The following SYT9 variants were observed in gnomAD, a reference collection of about 807,000 sequenced individuals.
SYT9 encodes synaptotagmin-9.
Under a neutral mutation model 48.4 loss-of-function variants are expected in SYT9, and 22 were observed. The ratio of observed to expected loss-of-function variants is 0.45; its 90% CI spans 0.32 to 0.65. SYT9 has a LOEUF of 0.65. Among genes scored for constraint, SYT9 ranks in the 30% least tolerant of loss-of-function variants. The pLI is 0.03. For missense variants in SYT9, 577 were observed against 622.0 expected (o/e 0.93, Z 0.77); for synonymous variants, 265 against 245.0 (o/e 1.08, Z -0.76).
intron 2 of SYT9, among the ~76,000 whole-genome samples, chr11:7,309,156 T>A (rs1849085017): frequency 6.6e-6 from 1 of 152,214 alleles, no homozygotes; most frequent in Non-Finnish European, 1.5e-5. Context: ...AATCTTTATT[T>A]TCTCTTTGTT....
At chr11:7,354,371 G>C (rs886976403) in intron 3 of SYT9, among the ~76,000 whole-genome samples, 2 of 152,176 alleles carry the variant, frequency 1.3e-5, no homozygotes, top group African/African-American at 4.8e-5. Context: ...AGACAATTCT[G>C]AGTGGGCTTA....
chr11:7,437,032 G>A (rs1847724756), intron 6 of SYT9, among the ~76,000 whole-genome samples: 1 of 152,230 alleles, frequency 6.6e-6, no homozygotes, highest in South Asian at 2.1e-4. Flanking sequence ...AGCAGTGAAA[G>A]ACGCTGGACA....
intron 1 of SYT9, among the ~76,000 whole-genome samples, chr11:7,240,136 G>C (rs1441026051): frequency 6.6e-6 from 1 of 152,114 alleles, no homozygotes; most frequent in Non-Finnish European, 1.5e-5. Context: ...CAAAGAAAGA[G>C]AGTAGTCCGT....
chr11:7,350,457 A>G (rs1466365372), intron 3 of SYT9, among the ~76,000 whole-genome samples: 1 of 152,204 alleles, frequency 6.6e-6, no homozygotes, highest in African/African-American at 2.4e-5. Context: ...AGTTTGAAGA[A>G]TGGCCAAAGT....
intron 3 of SYT9, among the ~76,000 whole-genome samples, chr11:7,384,808 T>C (rs145457860): frequency 6.6e-6 from 1 of 152,256 alleles, no homozygotes; most frequent in East Asian, 1.9e-4. Context: ...TCTGACCTCA[T>C]CATTTTCAAT....
intron 3 of SYT9, among the ~76,000 whole-genome samples, chr11:7,358,590 A>G (rs919245389): frequency 4.6e-5 from 7 of 152,170 alleles, no homozygotes; most frequent in Non-Finnish European, 1.0e-4. Flanking sequence ...TGTTTGATGG[A>G]CATATTTTAT....
chr11:7,425,969 G>A (rs894140889), intron 6 of SYT9, among the ~76,000 whole-genome samples: 1 of 151,990 alleles, frequency 6.6e-6, no homozygotes, highest in Admixed American at 6.6e-5. Context: ...ATTAAAATAG[G>A]GCAAGAAAAC....
At chr11:7,326,611 A>G (rs1300878453) in intron 3 of SYT9, among the ~76,000 whole-genome samples, 1 of 149,752 alleles carries the variant, frequency 6.7e-6, no homozygotes, top group Non-Finnish European at 1.5e-5. Context: ...CCGCATCGCC[A>G]AGTCAATCCT....
chr11:7,378,931 G>A (rs115238357), intron 3 of SYT9, among the ~76,000 whole-genome samples: 4,917 of 152,184 alleles, frequency 0.032, 266 homozygotes, highest in African/African-American at 0.11. Context: ...TTCAAAAGCC[G>A]ATAAAACACA....
chr11:7,362,730 A>G (rs1850167347), intron 3 of SYT9, among the ~76,000 whole-genome samples: 1 of 152,144 alleles, frequency 6.6e-6, no homozygotes, highest in South Asian at 2.1e-4. Flanking sequence ...ATTGCTTTCA[A>G]CATTAATGTG....
At chr11:7,270,486 G>A (rs919621946) in intron 1 of SYT9, among the ~76,000 whole-genome samples, 2 of 152,108 alleles carry the variant, frequency 1.3e-5, no homozygotes, top group African/African-American at 4.8e-5. Flanking sequence ...AAACCCATTA[G>A]TGGTCATTTT....
intron 3 of SYT9, among the ~76,000 whole-genome samples, chr11:7,399,332 A>C (rs1479942005): frequency 6.6e-6 from 1 of 152,186 alleles, no homozygotes; most frequent in Non-Finnish European, 1.5e-5. Flanking sequence ...CCAAACTAAA[A>C]ATGGAGATCT....
At position 7,265,668 on chromosome 11, in the gene SYT9, CT is replaced by C. The variant is rs386353084; in HGVS notation, c.145+13352del. 4.1e-3 allele frequency among the ~76,000 whole-genome samples: 598 copies of C among 144,994 alleles called. 1 individual carries two copies. The highest frequency in any genetic ancestry group is 0.01 in the African/African-American group (410 of 39,716). On this transcript the variant is annotated intron_variant, in intron 1 of 6. Coordinates refer to ENST00000318881, the MANE Select transcript of SYT9 (RefSeq NM_175733.4). ...ATGTGTTTACTATCTATCATGGATT[CT>C]TTTTTTTTTTTTTTGTAGCCACAGT...
chr11:7,290,901 G>C lies in SYT9; in HGVS notation c.146-12138G>C, dbSNP rs533871938. 1.7e-3 allele frequency among the ~76,000 whole-genome samples: 264 copies of C among 152,248 alleles called. 2 individuals are homozygous for C. The highest frequency in any genetic ancestry group is 5.9e-3 in the African/African-American group (247 of 41,544). ...AACTAGGTAATTTGAGGAGAGTTTA[G>C]TACAGGAACATATAACAAAGATATG... is the stretch of plus-strand genomic sequence containing the variant. On this transcript the variant is annotated intron_variant, in intron 1 of 6. Transcript: ENST00000318881.
chr11:7,368,932 G>T (rs1049407383), intron 3 of SYT9, among the ~76,000 whole-genome samples: 3 of 152,150 alleles, frequency 2.0e-5, no homozygotes, highest in African/African-American at 4.8e-5. Flanking sequence ...GAATAGTGCT[G>T]CAACAAACAT....
At chr11:7,335,837 A>G (rs1039174730) in intron 3 of SYT9, among the ~76,000 whole-genome samples, 6 of 152,124 alleles carry the variant, frequency 3.9e-5, no homozygotes, top group African/African-American at 1.4e-4. Flanking sequence ...TGCTAGAACA[A>G]TTTATATTCC....
chr11:7,262,586 C>T (rs2119816699), intron 1 of SYT9, among the ~76,000 whole-genome samples: 1 of 152,078 alleles, frequency 6.6e-6, no homozygotes, highest in Non-Finnish European at 1.5e-5. Flanking sequence ...AGAGAAAATC[C>T]AAGCAAGAGT....
intron 2 of SYT9, among the ~76,000 whole-genome samples, chr11:7,312,151 T>A (rs550084623): frequency 6.6e-6 from 1 of 152,198 alleles, no homozygotes; most frequent in East Asian, 1.9e-4. Flanking sequence ...ACCAGGTGGG[T>A]GATTAGTGAT....
At chr11:7,340,419 A>G (rs1417044138) in intron 3 of SYT9, among the ~76,000 whole-genome samples, 1 of 152,220 alleles carries the variant, frequency 6.6e-6, no homozygotes, top group Admixed American at 6.5e-5. Context: ...AGACATTTGG[A>G]GGATATAAGA....
Sources: allele counts gnomAD v4.1 joint callset (sites outside exome capture counted in the v4.1 genomes callset), GRCh38; gene constraint gnomAD v4.1.1; transcripts MANE v1.5; gene names NCBI Gene and HGNC (gene_info 2026-07-23, HGNC 2026-07-21).